The following DLG2 variants were observed in gnomAD, a reference collection of about 807,000 sequenced individuals.
DLG2 encodes the protein discs large MAGUK scaffold protein 2.
A neutral mutation model predicts 132.5 loss-of-function variants in DLG2; 45 were observed. The ratio of observed to expected loss-of-function variants is 0.34; its 90% CI spans 0.27 to 0.44. DLG2 has a LOEUF of 0.44. Ranked by LOEUF, DLG2 falls within the 20% of genes least tolerant of loss-of-function variation. The pLI is 1.00. For synonymous variants in DLG2, 424 were observed against 419.6 expected (o/e 1.01, Z -0.13); for missense variants, 1,045 against 1,196.9 (o/e 0.87, Z 1.87).
In DLG2 at chr11:84,803,171, T is replaced by C. The variant is rs1598459123; in HGVS notation, c.358-268440A>G. On this transcript the variant is annotated intron_variant, in intron 6 of 27. Transcript: ENST00000376104. The stretch of plus-strand genomic sequence containing the variant: ...AAAATTGTAAAGATAAAATGAAATA[T>C]ACATAAAGAATATAATGCAGTGTAG... Among the ~76,000 whole-genome samples, 3 of 152,180 alleles carry C rather than the reference T, an allele frequency of 2.0e-5. No homozygotes were observed. The East Asian group carries it at 5.8e-4, about 29-fold the overall frequency.
intron 8 of DLG2, among the ~76,000 whole-genome samples, chr11:84,180,584 A>C (rs2154279232): frequency 6.6e-6 from 1 of 152,224 alleles, no homozygotes; most frequent in South Asian, 2.1e-4. Flanking sequence ...AAGCAAACAA[A>C]AAATCCTCCT....
intron 6 of DLG2, among the ~76,000 whole-genome samples, chr11:84,709,342 T>C (rs1274252740): frequency 6.6e-6 from 1 of 151,936 alleles, no homozygotes; most frequent in African/African-American, 2.4e-5. Flanking sequence ...TTCTAGGTTA[T>C]TTCATACTAT....
At chr11:83,697,919 G>A (rs10501545) in intron 18 of DLG2, among the ~76,000 whole-genome samples, 50,689 of 152,026 alleles carry the variant, frequency 0.33, 9,991 homozygotes, top group African/African-American at 0.55. Context: ...GACTTGCAAT[G>A]GGTTTGGCTC....
intron 6 of DLG2, among the ~76,000 whole-genome samples, chr11:84,791,885 A>G (rs1406531091): frequency 6.6e-6 from 1 of 152,112 alleles, no homozygotes; most frequent in Non-Finnish European, 1.5e-5. Flanking sequence ...AAACAAGGAT[A>G]ATTTGGTATC....
At chr11:85,383,296 G>C (rs1024085545) in intron 3 of DLG2, among the ~76,000 whole-genome samples, 1 of 152,108 alleles carries the variant, frequency 6.6e-6, no homozygotes, top group Non-Finnish European at 1.5e-5. Context: ...TAGATTAGTA[G>C]CCTAGGTGCT....
chr11:84,992,062 T>C (rs2057178005), intron 6 of DLG2, among the ~76,000 whole-genome samples: 1 of 151,768 alleles, frequency 6.6e-6, no homozygotes, highest in Non-Finnish European at 1.5e-5. Context: ...CACATGCTGC[T>C]CTCTCTCTCT....
chr11:85,236,139 A>C (rs758462293), intron 4 of DLG2, among the ~76,000 whole-genome samples: 1 of 152,004 alleles, frequency 6.6e-6, no homozygotes, highest in Non-Finnish European at 1.5e-5. Context: ...AAGGAAGATT[A>C]TTAATCTCAC....
At chr11:85,351,429 A>C (rs758618696) in intron 3 of DLG2, among the ~76,000 whole-genome samples, 4 of 152,176 alleles carry the variant, frequency 2.6e-5, no homozygotes, top group East Asian at 1.9e-4. Context: ...TTGCCCTGGC[A>C]AGAACTTCCA....
chr11:84,367,532 T>C (rs2098689073), intron 7 of DLG2, among the ~76,000 whole-genome samples: 2 of 152,130 alleles, frequency 1.3e-5, no homozygotes. Context: ...TGGAACTTAA[T>C]CCCTAATATA....
chr11:85,322,620 A>T (rs1161940021), intron 3 of DLG2, among the ~76,000 whole-genome samples: 1 of 152,162 alleles, frequency 6.6e-6, no homozygotes, highest in Non-Finnish European at 1.5e-5. Flanking sequence ...GAAACAGTAA[A>T]TGGTTCCATA....
intron 6 of DLG2, among the ~76,000 whole-genome samples, chr11:84,635,394 C>T (rs1278009607): frequency 6.6e-6 from 1 of 152,076 alleles, no homozygotes; most frequent in Non-Finnish European, 1.5e-5. Context: ...ATTTATTGCC[C>T]AGTAGATGCT....
intron 7 of DLG2, chr11:84,272,360 G>C (rs2097735814): frequency 2.5e-6 from 1 of 395,706 alleles, no homozygotes; most frequent in African/African-American, 2.1e-5. Context: ...TTCTTGAGAA[G>C]GTACCAAATA....
chr11:84,641,230 T>C (rs1287529184), intron 6 of DLG2, among the ~76,000 whole-genome samples: 1 of 152,200 alleles, frequency 6.6e-6, no homozygotes, highest in African/African-American at 2.4e-5. Flanking sequence ...AAACTCTCTC[T>C]GTCTCAGCTT....
At chr11:85,575,355 G>C (rs1047837061) in intron 3 of DLG2, among the ~76,000 whole-genome samples, 1 of 151,708 alleles carries the variant, frequency 6.6e-6, no homozygotes, top group African/African-American at 2.4e-5. Context: ...GGGCAACATA[G>C]GGAGACCCCA....
chr11:85,302,671 A>C (rs1387593895), intron 3 of DLG2, among the ~76,000 whole-genome samples: 2 of 151,592 alleles, frequency 1.3e-5, no homozygotes, highest in Non-Finnish European at 2.9e-5. Context: ...AAAAACAGTC[A>C]GTTAGTTGAT....
At chr11:85,418,209 T>A (rs1010458819) in intron 3 of DLG2, among the ~76,000 whole-genome samples, 1 of 152,206 alleles carries the variant, frequency 6.6e-6, no homozygotes, top group African/African-American at 2.4e-5. Context: ...TACCCAGTAG[T>A]CACTCAGGAG....
At chr11:85,164,332 C>CTA (rs2078267847) in intron 4 of DLG2, among the ~76,000 whole-genome samples, 1 of 152,032 alleles carries the variant, frequency 6.6e-6, no homozygotes, top group Admixed American at 6.6e-5. Context: ...CTCTGGTCTC[C>CTA]TATAGTCATA....
At chr11:84,909,870 C>T (rs900914091) in intron 6 of DLG2, among the ~76,000 whole-genome samples, 3 of 152,184 alleles carry the variant, frequency 2.0e-5, no homozygotes, top group African/African-American at 2.4e-5. Context: ...TGACCATCCC[C>T]CGCATACCCA....
rs766085151 is a variant in DLG2, at chr11:85,138,649, C to T, written c.282+15907G>A. Among the ~76,000 whole-genome samples, 7 of 152,068 alleles carry T rather than the reference C, an allele frequency of 4.6e-5. No individual in the cohort carries two copies. In the East Asian group the frequency reaches 5.8e-4, roughly 13 times the overall value. On this transcript the variant is annotated intron_variant, in intron 5 of 27. Transcript: ENST00000376104. The stretch of plus-strand genomic sequence containing the variant: ...CGGGAAGTAATTGAATCATGGATGC[C>T]GGTCTTTCCCATGCTATACTTGTGT...
Sources: gnomAD v4.1 joint callset for allele counts (sites outside exome capture counted in the v4.1 genomes callset) on GRCh38, gnomAD v4.1.1 for gene constraint, MANE v1.5 for transcripts, NCBI Gene and HGNC (gene_info 2026-07-23, HGNC 2026-07-21) for gene names.